Variants in EFCAB6 observed in about 807,000 individuals in gnomAD.
EFCAB6 encodes the protein EF-hand calcium binding domain 6, also known as EF-hand calcium-binding domain-containing protein 6.
A neutral mutation model predicts 169.8 loss-of-function variants in EFCAB6; 156 were observed. That is an observed-to-expected ratio of 0.92 (90% CI 0.81 to 1.05). EFCAB6 has a LOEUF of 1.05. Among genes scored for constraint, EFCAB6 ranks in the 50% least tolerant of loss-of-function variants. The probability of loss-of-function intolerance (pLI) is 0.00; values close to 1 mark genes in which losing one functional copy is unlikely to be tolerated. For synonymous variants in EFCAB6, 698 were observed against 676.4 expected, an observed-to-expected ratio of 1.03 and a Z score of -0.50; for missense variants, 1,800 against 1,829.1, an observed-to-expected ratio of 0.98 and a Z score of 0.29.
intron 26 of EFCAB6, among the ~76,000 whole-genome samples, chr22:43,559,014 T>C (rs1166228226): frequency 6.6e-6 from 1 of 152,148 alleles, no homozygotes; most frequent in Non-Finnish European, 1.5e-5. Flanking sequence ...AATTGATGAA[T>C]GGGATCTAAT....
At chr22:43,553,153 C>T (rs1320336163) in intron 27 of EFCAB6, 1 of 152,162 alleles carries the variant, frequency 6.6e-6, no homozygotes, top group Non-Finnish European at 1.5e-5. Context: ...CCTATGAATA[C>T]TTCCAAGGCC....
intron 27 of EFCAB6, among the ~76,000 whole-genome samples, chr22:43,544,895 G>A (rs1396526148): frequency 6.6e-6 from 1 of 152,058 alleles, no homozygotes; most frequent in Non-Finnish European, 1.5e-5. Context: ...GGCCGAGGCA[G>A]GCAGATCACG....
At chr22:43,775,441 T>A (rs1454399066) in intron 3 of EFCAB6, among the ~76,000 whole-genome samples, 1 of 152,120 alleles carries the variant, frequency 6.6e-6, no homozygotes. Context: ...GGCCTCTGCC[T>A]GGTCCTATTT....
At position 43,638,221 on chromosome 22, in the gene EFCAB6, T is replaced by G. The variant is rs112281784; in HGVS notation, c.1984-3005A>C. Among the ~76,000 whole-genome samples the G allele has an allele frequency of 5.1e-3, 783 of 152,280 alleles. 6 individuals are homozygous for G. Among genetic ancestry groups the G allele is most frequent in the African/African-American group, 0.014 (602 of 41,550 alleles). ...TTTCTAAGATGAACACAGCAGCAAA[T>G]CAACCAGATTTATCATGACCCTTGG... On this transcript the variant is annotated intron_variant, in intron 17 of 31. Transcript: ENST00000262726.
chr22:43,552,787 T>C (rs1180324004), intron 27 of EFCAB6: 1 of 152,182 alleles, frequency 6.6e-6, no homozygotes. Context: ...GAGTAAAATT[T>C]TACTCATTTA....
chr22:43,784,592 TATATATACAC>T (rs2061975617), intron 2 of EFCAB6, among the ~76,000 whole-genome samples: 2 of 68,728 alleles, frequency 2.9e-5, no homozygotes, highest in Non-Finnish European at 6.1e-5. Context: ...CATATATATG[TATATATACAC>T]ATATATATGT....
intron 29 of EFCAB6, chr22:43,535,983 G>C (rs1361667172): frequency 6.6e-6 from 1 of 152,238 alleles, no homozygotes; most frequent in East Asian, 1.9e-4. Context: ...GCCATCAGCA[G>C]TGAGGAGAAA....
intron 22 of EFCAB6, among the ~76,000 whole-genome samples, chr22:43,606,417 T>A (rs1341903551): frequency 6.6e-6 from 1 of 152,214 alleles, no homozygotes; most frequent in Non-Finnish European, 1.5e-5. Flanking sequence ...AAGCATTTGC[T>A]GGGTGAACAA....
Position 43,735,863 on chromosome 22 carries a change from T to C in EFCAB6, c.638A>G (p.Tyr213Cys). 1 of 1,612,910 alleles carries C rather than the reference T, an allele frequency of 6.2e-7. No individual in the cohort carries two copies. The highest frequency in any genetic ancestry group is 8.5e-7 in the Non-Finnish European group (1 of 1,179,754). The change falls in exon 7 of 32, where the codon TAC (tyrosine) becomes TGC (cysteine). Residue 213 changes from tyrosine (Y) to cysteine (C), a missense_variant. Physicochemically the swap from Tyr to Cys is radical, Grantham distance 194. Transcript: ENST00000262726. ...TFCMKLRDEEYEKFSKHYNIH... is the reference protein window; with the variant it reads ...TFCMKLRDEECEKFSKHYNIH... Reference sequence around the variant, plus strand: ...CGTGCCTTCATTTGCTTACTTTTCGTATTCCTCGTCTCTTAACTTCATACA... The same window carrying C: ...CGTGCCTTCATTTGCTTACTTTTCGCATTCCTCGTCTCTTAACTTCATACA...
chr22:43,655,185 A>G (rs2056674734), intron 17 of EFCAB6, among the ~76,000 whole-genome samples: 1 of 152,168 alleles, frequency 6.6e-6, no homozygotes, highest in Non-Finnish European at 1.5e-5. Flanking sequence ...TAAACCTGGG[A>G]GGCGGAGGTT....
At chr22:43,665,714 T>A (rs2057215997) in intron 17 of EFCAB6, among the ~76,000 whole-genome samples, 1 of 152,216 alleles carries the variant, frequency 6.6e-6, no homozygotes, top group African/African-American at 2.4e-5. Flanking sequence ...AAATCATCAA[T>A]GACTGGTTAT....
At chr22:43,582,250 G>A (rs768384597) in intron 24 of EFCAB6, among the ~76,000 whole-genome samples, 16 of 151,836 alleles carry the variant, frequency 1.1e-4, no homozygotes, top group Non-Finnish European at 1.8e-4. Flanking sequence ...TTGTTCAGCT[G>A]GAAATAGATT....
chr22:43,606,409 G>A (rs1365770159), intron 22 of EFCAB6, among the ~76,000 whole-genome samples: 2 of 152,230 alleles, frequency 1.3e-5, no homozygotes, highest in East Asian at 3.8e-4. Flanking sequence ...TGTTTAAGAA[G>A]CATTTGCTGG....
chr22:43,653,994 G>T (rs1300336580), intron 17 of EFCAB6, among the ~76,000 whole-genome samples: 1 of 152,068 alleles, frequency 6.6e-6, no homozygotes, highest in Non-Finnish European at 1.5e-5. Flanking sequence ...GGAAATCAAT[G>T]AAACCACAGC....
chr22:43,543,028 G>A (rs1364785079), intron 27 of EFCAB6, among the ~76,000 whole-genome samples: 1 of 152,144 alleles, frequency 6.6e-6, no homozygotes, highest in African/African-American at 2.4e-5. Flanking sequence ...GTAGAAAAGT[G>A]GCAACAGAGG....
intron 17 of EFCAB6, among the ~76,000 whole-genome samples, chr22:43,652,593 T>A (rs1456632772): frequency 6.6e-6 from 1 of 152,130 alleles, no homozygotes; most frequent in Non-Finnish European, 1.5e-5. Flanking sequence ...AATCCACCAG[T>A]CCCTTACTGG....
chr22:43,703,576 C>A (rs1279553945), intron 10 of EFCAB6, among the ~76,000 whole-genome samples: 2 of 148,196 alleles, frequency 1.3e-5, no homozygotes, highest in Admixed American at 1.4e-4. Flanking sequence ...CAGTGAGCTA[C>A]AAGAATAGAT....
In EFCAB6 at chr22:43,804,495, C is replaced by A. The variant is rs558843220; in HGVS notation, c.-8+4500G>T. 2.2e-4 allele frequency among the ~76,000 whole-genome samples: 33 copies of A among 152,244 alleles called. 1 individual carries two copies. The South Asian group carries it at 6.6e-3, about 31-fold the overall frequency. On this transcript the variant is annotated intron_variant, in intron 2 of 31. Coordinates refer to ENST00000262726, the MANE Select transcript of EFCAB6 (RefSeq NM_022785.4). Reference sequence around the variant, plus strand: ...AGATCAGTGACTGGACACGGTGGCTCACACCTGTAATCCCAGCACTTTGGG... The same window carrying A: ...AGATCAGTGACTGGACACGGTGGCTAACACCTGTAATCCCAGCACTTTGGG...
intron 17 of EFCAB6, among the ~76,000 whole-genome samples, chr22:43,657,047 C>T (rs565990321): frequency 2.6e-5 from 4 of 152,170 alleles, no homozygotes; most frequent in African/African-American, 7.2e-5. Flanking sequence ...CCCAGTACTT[C>T]GGGAGGCTGA....
Sources: gnomAD v4.1 joint callset for allele counts (sites outside exome capture counted in the v4.1 genomes callset) on GRCh38, gnomAD v4.1.1 for gene constraint, MANE v1.5 for transcripts, NCBI Gene and HGNC (gene_info 2026-07-23, HGNC 2026-07-21) for gene names.